Variants in ARID4A observed in about 807,000 individuals in gnomAD.
The protein encoded by ARID4A is AT-rich interactive domain-containing protein 4A.
ARID4A carries 39 observed loss-of-function variants against 148.6 expected under a neutral mutation model. The ratio of observed to expected loss-of-function variants is 0.26; its 90% CI spans 0.20 to 0.34. The LOEUF (loss-of-function observed/expected upper bound fraction) is 0.34. ARID4A is among the 10% of genes least tolerant of loss of function. The pLI is 1.00. For synonymous variants in ARID4A, 475 were observed against 481.2 expected (o/e 0.99, Z 0.17); for missense variants, 1,265 against 1,449.1 (o/e 0.87, Z 2.06).
At chr14:58,324,378 C>A (rs893272371) in intron 8 of ARID4A, among the ~76,000 whole-genome samples, 10 of 152,176 alleles carry the variant, frequency 6.6e-5, no homozygotes, top group African/African-American at 2.4e-4. Flanking sequence ...TGGGCTCAGG[C>A]GTTCCTCCTG....
chr14:58,328,393 C>A, intron 9 of ARID4A, 77 bp downstream of exon 9: 1 of 947,676 alleles, frequency 1.1e-6, no homozygotes, highest in Non-Finnish European at 1.6e-6. Context: ...ACCTCCCCCA[C>A]CAAAACTTTA....
intron 13 of ARID4A, 129 bp from the exon 14 acceptor site, chr14:58,346,891 G>A: frequency 2.6e-6 from 1 of 387,096 alleles, no homozygotes; most frequent in Non-Finnish European, 4.1e-6. Context: ...TTGCACCACT[G>A]CTCTCCAGCC....
At chr14:58,298,888 C>A (rs572415654) in intron 1 of ARID4A, among the ~76,000 whole-genome samples, 188 bp downstream of exon 1, 1 of 152,204 alleles carries the variant, frequency 6.6e-6, no homozygotes, top group Non-Finnish European at 1.5e-5. Context: ...CAGGAACCGC[C>A]GCCGCAGTTG....
At position 58,329,449 on chromosome 14, in the gene ARID4A, T is replaced by G. The variant is rs1594906129; in HGVS notation, c.663-79T>G. 19 of 929,372 alleles carry G rather than the reference T, an allele frequency of 2.0e-5. No individual in the cohort carries two copies. The East Asian group carries it at 4.6e-4, about 23-fold the overall frequency. The allele number at this position is 929,372 out of a possible 1,614,324, so 57.6% of individuals were successfully genotyped here. A position where few individuals can be genotyped will look rare whatever the true frequency, so the allele number is the denominator to read the frequency against. ...ATTTTGATTTTGAGGTTTTTATTTT[T>G]CTATGTGTTAACATGAACTATTTAA... On this transcript the variant is annotated intron_variant, in intron 9 of 23. Coordinates refer to ENST00000355431, the MANE Select transcript of ARID4A (RefSeq NM_002892.4).
intron 15 of ARID4A, 64 bp from the exon 16 acceptor site, chr14:58,351,009 T>C: frequency 2.0e-6 from 3 of 1,488,300 alleles, no homozygotes; most frequent in Non-Finnish European, 2.7e-6. Context: ...GGAAAAGATA[T>C]TTTTTCCTGC....
At chr14:58,301,272 GT>G (rs966902660) in intron 2 of ARID4A, among the ~76,000 whole-genome samples, 4 of 139,796 alleles carry the variant, frequency 2.9e-5, no homozygotes, top group African/African-American at 8.1e-5. Flanking sequence ...TATTTTTTCT[GT>G]TTTTTTCTTA....
At chr14:58,315,043 T>A (rs1192651748) in intron 5 of ARID4A, among the ~76,000 whole-genome samples, 1 of 152,108 alleles carries the variant, frequency 6.6e-6, no homozygotes, top group Non-Finnish European at 1.5e-5. Context: ...CACTTGAATC[T>A]GGGAGGCCGA....
chr14:58,323,441 A>AATT (rs2033026086), intron 7 of ARID4A, 44 bp from the exon 8 acceptor site: 1 of 1,580,230 alleles, frequency 6.3e-7, no homozygotes, highest in African/African-American at 1.4e-5. Flanking sequence ...TGTATCAAAT[A>AATT]ATTGTTTGTG....
Position 58,339,147 on chromosome 14 carries a change from AT to A in ARID4A, c.907-5538del, listed in dbSNP as rs560057868. 2.4e-3 allele frequency among the ~76,000 whole-genome samples: 352 copies of A among 145,680 alleles called. 2 individuals are homozygous for A. Among genetic ancestry groups the A allele is most frequent in the African/African-American group, 7.8e-3 (309 of 39,798 alleles). On this transcript the variant is annotated intron_variant, in intron 11 of 23. Transcript: ENST00000355431. ...CACCATGCCCGGCTAATTTATTATT[AT>A]TTTTTTTTTATAGAGACAAAGTTTC...
At chr14:58,321,095 T>A (rs2032858898) in intron 7 of ARID4A, among the ~76,000 whole-genome samples, 1 of 152,206 alleles carries the variant, frequency 6.6e-6, no homozygotes, top group African/African-American at 2.4e-5. Context: ...TAACTTTGAT[T>A]AAGGTGGTGC....
At chr14:58,358,038 T>TA (rs2034962781) in intron 17 of ARID4A, among the ~76,000 whole-genome samples, 1 of 151,330 alleles carries the variant, frequency 6.6e-6, no homozygotes, top group South Asian at 2.1e-4. Context: ...CCCGTCTCTA[T>TA]AAAAAATACA....
intron 8 of ARID4A, among the ~76,000 whole-genome samples, chr14:58,324,141 T>C (rs900565193): frequency 4.6e-5 from 7 of 152,082 alleles, no homozygotes; most frequent in African/African-American, 1.4e-4. Flanking sequence ...CCTGACCTCA[T>C]GGTCCGCCCA....
intron 11 of ARID4A, among the ~76,000 whole-genome samples, chr14:58,339,409 A>G (rs1036668383): frequency 1.3e-5 from 2 of 152,182 alleles, no homozygotes; most frequent in Non-Finnish European, 2.9e-5. Flanking sequence ...CCTCACTTTA[A>G]AAATGTCAAT....
In ARID4A at chr14:58,364,213, G is replaced by A; in HGVS notation, c.2124G>A (p.Lys708=). The A allele has an allele frequency of 6.7e-7, 1 of 1,482,520 alleles. No homozygotes were observed. The highest frequency in any genetic ancestry group is 9.0e-7 in the Non-Finnish European group (1 of 1,116,308). 91.8% of individuals were successfully genotyped at this position (1,482,520 alleles called of 1,614,324 possible). The change falls in exon 20 of 24, where the codon AAG becomes AAA. Residue 708 remains lysine (K), a synonymous_variant. Coordinates refer to ENST00000355431, the MANE Select transcript of ARID4A (RefSeq NM_002892.4). ...SDSETEDALE[K]NLINEELSLK... is the part of the protein sequence containing the mutation. ...GTGAAACAGAAGATGCTTTAGAAAA[G>A]AATTTAATAAATGAAGAACTTTCTC...
At chr14:58,314,808 G>C (rs1437644902) in intron 5 of ARID4A, among the ~76,000 whole-genome samples, 1 of 152,036 alleles carries the variant, frequency 6.6e-6, no homozygotes, top group Non-Finnish European at 1.5e-5. Context: ...ACATACATTT[G>C]TATAATTTTG....
intron 15 of ARID4A, 113 bp from the exon 16 acceptor site, chr14:58,350,960 G>C: frequency 9.3e-7 from 1 of 1,077,586 alleles, no homozygotes; most frequent in Non-Finnish European, 1.3e-6. Context: ...GGTTTTCAGG[G>C]CCACGTTTCA....
chr14:58,335,024 T>C (rs534299616), intron 11 of ARID4A, among the ~76,000 whole-genome samples: 1 of 152,172 alleles, frequency 6.6e-6, no homozygotes, highest in African/African-American at 2.4e-5. Flanking sequence ...CTCACTGTAG[T>C]GTGTCTTGAT....
At chr14:58,362,889 T>A (rs542509905) in intron 19 of ARID4A, among the ~76,000 whole-genome samples, 1 of 152,306 alleles carries the variant, frequency 6.6e-6, no homozygotes, top group South Asian at 2.1e-4. Flanking sequence ...GGTTGTCTTA[T>A]ATAAAAATTT....
intron 11 of ARID4A, among the ~76,000 whole-genome samples, chr14:58,337,755 A>G (rs900825440): frequency 6.6e-6 from 1 of 152,130 alleles, no homozygotes; most frequent in Non-Finnish European, 1.5e-5. Flanking sequence ...CCTTGCTTGT[A>G]TTTTGTTCCA....
Sources: gnomAD v4.1 joint callset for allele counts (sites outside exome capture counted in the v4.1 genomes callset) on GRCh38, gnomAD v4.1.1 for gene constraint, MANE v1.5 for transcripts, NCBI Gene and HGNC (gene_info 2026-07-23, HGNC 2026-07-21) for gene names.